The following PRUNE2 variants were observed in gnomAD, a reference collection of about 807,000 sequenced individuals.
The protein encoded by PRUNE2 is protein prune homolog 2.
Under a neutral mutation model 252.0 loss-of-function variants are expected in PRUNE2, and 164 were observed. The observed-to-expected ratio is 0.65, with a 90% CI of 0.57 to 0.74. PRUNE2 has a LOEUF of 0.74. Ranked by LOEUF, PRUNE2 falls within the 30% of genes least tolerant of loss-of-function variation. The pLI, the probability that PRUNE2 is intolerant of heterozygous loss-of-function variation, is 0.00. For synonymous variants in PRUNE2, 1,292 were observed against 1,350.2 expected, an observed-to-expected ratio of 0.96 and a Z score of 0.94; for missense variants, 3,495 against 3,711.0, an observed-to-expected ratio of 0.94 and a Z score of 1.51.
intron 6 of PRUNE2, among the ~76,000 whole-genome samples, chr9:76,764,843 T>C (rs1445222773): frequency 6.6e-6 from 1 of 152,112 alleles, no homozygotes; most frequent in Non-Finnish European, 1.5e-5. Context: ...GAATGGAAGG[T>C]ACTTGATATT....
intron 6 of PRUNE2, chr9:76,787,288 C>T: frequency 6.8e-6 from 1 of 147,918 alleles, no homozygotes; most frequent in Non-Finnish European, 1.5e-5. Context: ...TTTTCTTTTA[C>T]TACTATATTA....
intron 6 of PRUNE2, among the ~76,000 whole-genome samples, chr9:76,816,753 C>T (rs1486237872): frequency 6.6e-6 from 1 of 152,130 alleles, no homozygotes; most frequent in African/African-American, 2.4e-5. Flanking sequence ...TAAAATTTTT[C>T]ACTAACTGAC....
intron 1 of PRUNE2, among the ~76,000 whole-genome samples, chr9:76,881,868 GCCT>G (rs2061809760): frequency 6.6e-6 from 1 of 151,864 alleles, no homozygotes; most frequent in South Asian, 2.1e-4. Context: ...TGATCTGCCC[GCCT>G]CGGCCTCCCA....
chr9:76,620,617 A>G (rs1053814763), intron 17 of PRUNE2, among the ~76,000 whole-genome samples: 5 of 152,166 alleles, frequency 3.3e-5, no homozygotes, highest in Admixed American at 2.6e-4. Context: ...ACAGGCGGCT[A>G]TCTCCCCAGG....
At chr9:76,867,218 G>A (rs148392636) in intron 1 of PRUNE2, among the ~76,000 whole-genome samples, 552 of 25,068 alleles carry the variant, frequency 0.022, 5 homozygotes, top group African/African-American at 0.06. Context: ...CCCCGCCCCC[G>A]CCAGCAGGTG....
At chr9:76,837,817 G>A (rs966861169) in intron 4 of PRUNE2, among the ~76,000 whole-genome samples, 3 of 149,696 alleles carry the variant, frequency 2.0e-5, no homozygotes, top group African/African-American at 7.4e-5. Flanking sequence ...TGTCGCCCAG[G>A]CTGGAGTGCA....
At chr9:76,814,121 A>G (rs2057533696) in intron 6 of PRUNE2, among the ~76,000 whole-genome samples, 1 of 152,180 alleles carries the variant, frequency 6.6e-6, no homozygotes, top group Non-Finnish European at 1.5e-5. Context: ...GCCATGTATC[A>G]TATATATCCT....
intron 7 of PRUNE2, among the ~76,000 whole-genome samples, chr9:76,712,112 C>T (rs1038548796): frequency 7.9e-5 from 12 of 152,150 alleles, no homozygotes; most frequent in Admixed American, 1.3e-4. Flanking sequence ...CCACCACTAC[C>T]ACCATGGAGC....
chr9:76,752,486 G>A (rs1262575636), intron 6 of PRUNE2, among the ~76,000 whole-genome samples: 1 of 152,066 alleles, frequency 6.6e-6, no homozygotes, highest in Non-Finnish European at 1.5e-5. Context: ...GGAAGCTCAT[G>A]ACCACATGAG....
At chr9:76,856,016 A>G (rs1413241304) in intron 1 of PRUNE2, among the ~76,000 whole-genome samples, 1 of 152,236 alleles carries the variant, frequency 6.6e-6, no homozygotes, top group African/African-American at 2.4e-5. Context: ...CAACACAAAC[A>G]AACACATTAG....
At chr9:76,671,721 A>G (rs2041519396) in intron 9 of PRUNE2, among the ~76,000 whole-genome samples, 2 of 151,576 alleles carry the variant, frequency 1.3e-5, no homozygotes, top group African/African-American at 4.8e-5. Flanking sequence ...AAACCCTACA[A>G]GCCAGAAGAG....
intron 6 of PRUNE2, among the ~76,000 whole-genome samples, chr9:76,747,438 TG>T (rs2050222956): frequency 6.6e-6 from 1 of 152,224 alleles, no homozygotes; most frequent in South Asian, 2.1e-4. Flanking sequence ...GGTCTCATTT[TG>T]ATTTTATGTT....
At chr9:76,702,609 G>GTGAATGAA (rs59841123) in intron 9 of PRUNE2, among the ~76,000 whole-genome samples, 6,233 of 150,882 alleles carry the variant, frequency 0.041, 192 homozygotes, top group African/African-American at 0.089. Context: ...AAACCACATG[G>GTGAATGAA]TGAATGAATG....
At chr9:76,677,890 C>A (rs1287565539) in intron 9 of PRUNE2, among the ~76,000 whole-genome samples, 1 of 152,148 alleles carries the variant, frequency 6.6e-6, no homozygotes, top group African/African-American at 2.4e-5. Flanking sequence ...ACACTTCCCC[C>A]ACACCCCACG....
chr9:76,837,410 C>G (rs559367401), intron 4 of PRUNE2, among the ~76,000 whole-genome samples: 3 of 150,344 alleles, frequency 2.0e-5, no homozygotes, highest in African/African-American at 7.3e-5. Flanking sequence ...CCATTGCACT[C>G]CGGCCTGGCG....
intron 9 of PRUNE2, among the ~76,000 whole-genome samples, chr9:76,693,419 A>G (rs181040574): frequency 1.4e-5 from 2 of 144,022 alleles, no homozygotes; most frequent in African/African-American, 2.6e-5. Flanking sequence ...GTAGGTGCTT[A>G]AGAGATGTTA....
intron 1 of PRUNE2, among the ~76,000 whole-genome samples, chr9:76,881,166 C>T (rs539245329): frequency 1.3e-5 from 2 of 152,050 alleles, no homozygotes; most frequent in African/African-American, 2.4e-5. Context: ...CAGGGTTTCA[C>T]CATATTGGCC....
chr9:76,875,021 T>TC (rs2061402623), intron 1 of PRUNE2, among the ~76,000 whole-genome samples: 1 of 152,150 alleles, frequency 6.6e-6, no homozygotes, highest in Admixed American at 6.5e-5. Flanking sequence ...GGCCTTTTTT[T>TC]CCAAGCTTTT....
intron 1 of PRUNE2, among the ~76,000 whole-genome samples, chr9:76,886,866 T>C (rs2062132657): frequency 6.6e-6 from 1 of 152,234 alleles, no homozygotes; most frequent in African/African-American, 2.4e-5. Flanking sequence ...TGATTATCTA[T>C]TGACTCTAAA....
Sources: allele counts gnomAD v4.1 joint callset (sites outside exome capture counted in the v4.1 genomes callset), GRCh38; gene constraint gnomAD v4.1.1; transcripts MANE v1.5; gene names NCBI Gene and HGNC (gene_info 2026-07-23, HGNC 2026-07-21).